Variants in SPRED2 observed in about 807,000 individuals in gnomAD.
SPRED2 encodes the protein sprouty-related, EVH1 domain-containing protein 2.
In SPRED2, 47 loss-of-function variants were observed where a neutral mutation model predicts 43.0. That is an observed-to-expected ratio of 1.09 (90% CI 0.87 to 1.40). The LOEUF (loss-of-function observed/expected upper bound fraction) is 1.40. Ranked by LOEUF, SPRED2 falls within the 40% of genes most tolerant of loss-of-function variation. The pLI is 0.00. For synonymous variants in SPRED2, 225 were observed against 225.7 expected, an observed-to-expected ratio of 1.00 and a Z score of 0.03; for missense variants, 561 against 586.4, an observed-to-expected ratio of 0.96 and a Z score of 0.45.
At chr2:65,397,441 T>G (rs531385720) in intron 1 of SPRED2, among the ~76,000 whole-genome samples, 7 of 152,266 alleles carry the variant, frequency 4.6e-5, no homozygotes, top group African/African-American at 1.4e-4. Flanking sequence ...ACCTAAACCC[T>G]ACTAATCACT....
rs916247337 is a variant in SPRED2 at position 65,311,139 on chromosome 2, G to A, written c.*2362C>T. ...CTGGACAGAAAATCTTTTGGTTAAT[G>A]TTTTGTTACCACAGATACAAAAATA... On this transcript the variant is annotated 3_prime_UTR_variant, in exon 6 of 6. Transcript: ENST00000356388. 3 of 985,746 alleles carry A rather than the reference G, an allele frequency of 3.0e-6. No homozygotes were observed. The highest frequency in any genetic ancestry group is 3.6e-6 in the Non-Finnish European group (3 of 829,908). 61.1% of individuals were successfully genotyped at this position (985,746 alleles called of 1,614,324 possible).
chr2:65,395,077 C>T (rs539097845), intron 1 of SPRED2, among the ~76,000 whole-genome samples: 6 of 152,232 alleles, frequency 3.9e-5, no homozygotes, highest in South Asian at 2.1e-4. Flanking sequence ...AAGGTAACTC[C>T]GCCCGAGGTA....
intron 1 of SPRED2, among the ~76,000 whole-genome samples, chr2:65,352,017 G>A (rs1674527067): frequency 6.6e-6 from 1 of 152,230 alleles, no homozygotes; most frequent in African/African-American, 2.4e-5. Flanking sequence ...TAGAACACTT[G>A]CTCTACACGC....
downstream of SPRED2, among the ~76,000 whole-genome samples, chr2:65,309,546 G>A (rs149466721): frequency 2.7e-5 from 4 of 150,102 alleles, no homozygotes; most frequent in Admixed American, 2.7e-4. Context: ...GAGGGAGGAT[G>A]TGGGATGTGT....
intron 1 of SPRED2, among the ~76,000 whole-genome samples, chr2:65,391,423 A>T (rs1263151347): frequency 6.6e-6 from 1 of 152,196 alleles, no homozygotes; most frequent in Non-Finnish European, 1.5e-5. Context: ...TTCTTTTGCT[A>T]TGCACGTTTT....
intron 1 of SPRED2, among the ~76,000 whole-genome samples, chr2:65,422,324 G>C (rs1000289818): frequency 6.6e-6 from 1 of 151,946 alleles, no homozygotes; most frequent in Non-Finnish European, 1.5e-5. Flanking sequence ...GGAAGGAGGG[G>C]AAGAAAAAGG....
At chr2:65,431,130 T>C (rs952807523) in intron 1 of SPRED2, among the ~76,000 whole-genome samples, 1 of 150,500 alleles carries the variant, frequency 6.6e-6, no homozygotes, top group African/African-American at 2.5e-5. Context: ...CCAGGATCCC[T>C]CCGGCGGAGC....
chr2:65,402,157 T>TA (rs1675917113), intron 1 of SPRED2, among the ~76,000 whole-genome samples: 1 of 151,382 alleles, frequency 6.6e-6, no homozygotes, highest in African/African-American at 2.4e-5. Context: ...CATGCACCTG[T>TA]AATCACAGCT....
intron 1 of SPRED2, among the ~76,000 whole-genome samples, chr2:65,411,446 T>C (rs1259974310): frequency 6.6e-6 from 1 of 152,180 alleles, no homozygotes; most frequent in Non-Finnish European, 1.5e-5. Flanking sequence ...CATGATGACA[T>C]GACAAATGGT....
chr2:65,406,848 A>G (rs907063474), intron 1 of SPRED2, among the ~76,000 whole-genome samples: 4 of 152,056 alleles, frequency 2.6e-5, no homozygotes, highest in Non-Finnish European at 5.9e-5. Flanking sequence ...AGAGTGAGGC[A>G]GGGCCCTCCA....
chr2:65,410,310 A>G (rs1482284778), intron 1 of SPRED2, among the ~76,000 whole-genome samples: 1 of 152,204 alleles, frequency 6.6e-6, no homozygotes, highest in African/African-American at 2.4e-5. Context: ...CAGCCTACAC[A>G]GGGGTGTCTC....
chr2:65,357,849 C>A (rs1055644963), intron 1 of SPRED2, among the ~76,000 whole-genome samples: 1 of 152,190 alleles, frequency 6.6e-6, no homozygotes, highest in Non-Finnish European at 1.5e-5. Flanking sequence ...CATTACACAT[C>A]TTCTCACAAC....
At chr2:65,320,635 G>A (rs537150102) in intron 4 of SPRED2, among the ~76,000 whole-genome samples, 8 of 152,184 alleles carry the variant, frequency 5.3e-5, no homozygotes, top group Non-Finnish European at 1.2e-4. Flanking sequence ...TCCTAGCCGA[G>A]CCTGCAGTCT....
chr2:65,401,926 A>T (rs1572895167), intron 1 of SPRED2, among the ~76,000 whole-genome samples: 1 of 121,926 alleles, frequency 8.2e-6, no homozygotes, highest in Admixed American at 8.1e-5. Context: ...TCAGAATATT[A>T]GCGCGCGCGC....
At chr2:65,358,894 G>T (rs1176108062) in intron 1 of SPRED2, among the ~76,000 whole-genome samples, 3 of 152,164 alleles carry the variant, frequency 2.0e-5, no homozygotes, top group Admixed American at 1.3e-4. Flanking sequence ...GCTGGGTTTT[G>T]GCCAAGGGCT....
intron 1 of SPRED2, among the ~76,000 whole-genome samples, chr2:65,349,896 C>T (rs1383674055): frequency 9.2e-5 from 14 of 152,324 alleles, no homozygotes. Flanking sequence ...CCCCCTTTGT[C>T]TCCTCCGGCA....
At chr2:65,347,926 T>G (rs2104278023) in intron 1 of SPRED2, among the ~76,000 whole-genome samples, 1 of 152,306 alleles carries the variant, frequency 6.6e-6, no homozygotes, top group East Asian at 1.9e-4. Flanking sequence ...TTGAGATTGC[T>G]GCAGTAGCCT....
chr2:65,338,183 C>CG (rs1553418120), intron 2 of SPRED2, among the ~76,000 whole-genome samples: 43 of 76,416 alleles, frequency 5.6e-4, no homozygotes, highest in African/African-American at 2.7e-3. Context: ...TCCCGTCTCC[C>CG]TCTCCCTCTC....
At chr2:65,394,022 T>C (rs1675698291) in intron 1 of SPRED2, among the ~76,000 whole-genome samples, 1 of 152,000 alleles carries the variant, frequency 6.6e-6, no homozygotes, top group African/African-American at 2.4e-5. Context: ...ATGAGGAGTA[T>C]AAGGACGTGT....
Sources: gnomAD v4.1 joint callset for allele counts (sites outside exome capture counted in the v4.1 genomes callset) on GRCh38, gnomAD v4.1.1 for gene constraint, MANE v1.5 for transcripts, NCBI Gene and HGNC (gene_info 2026-07-23, HGNC 2026-07-21) for gene names.